NDRG3: variants seen among roughly 807,000 people sequenced by gnomAD.
NDRG3 encodes protein NDRG3.
In NDRG3, 23 loss-of-function variants were observed where a neutral mutation model predicts 57.2. The ratio of observed to expected loss-of-function variants is 0.40; its 90% CI spans 0.29 to 0.57. NDRG3 has a LOEUF of 0.57. Among genes scored for constraint, NDRG3 ranks in the 20% least tolerant of loss-of-function variants. The pLI is 0.42. For missense variants in NDRG3, 384 were observed against 457.3 expected (o/e 0.84, Z 1.46); for synonymous variants, 132 against 162.6 (o/e 0.81, Z 1.43).
rs375132944 is a variant in NDRG3 at position 36,727,799 on chromosome 20, C to G, written c.-48-6016G>C. 3.3e-5 allele frequency among the ~76,000 whole-genome samples: 5 copies of G among 152,168 alleles called. No individual in the cohort carries two copies. The East Asian group carries it at 5.8e-4, about 18-fold the overall frequency. Reference sequence around the variant, plus strand: ...CTCGTGATCTGCCCTCCTCAGCCTCCCAAAGTGCTGGGATTACAGGCATGA... The same window carrying G: ...CTCGTGATCTGCCCTCCTCAGCCTCGCAAAGTGCTGGGATTACAGGCATGA... On this transcript the variant is annotated intron_variant, in intron 1 of 15. Coordinates refer to ENST00000349004, the MANE Select transcript of NDRG3 (RefSeq NM_032013.4).
chr20:36,701,544 CTTTT>C (rs897071523), intron 3 of NDRG3, among the ~76,000 whole-genome samples: 3 of 124,270 alleles, frequency 2.4e-5, no homozygotes, highest in African/African-American at 2.9e-5. Flanking sequence ...GACCCTGTAT[CTTTT>C]TTTTTTTTTT....
At chr20:36,711,527 T>C (rs2148178354) in intron 2 of NDRG3, among the ~76,000 whole-genome samples, 1 of 152,252 alleles carries the variant, frequency 6.6e-6, no homozygotes, top group African/African-American at 2.4e-5. Context: ...CAGCTGTCAT[T>C]GTATCCATGA....
intron 3 of NDRG3, among the ~76,000 whole-genome samples, chr20:36,706,625 T>A (rs1286027588): frequency 6.6e-6 from 1 of 152,148 alleles, no homozygotes; most frequent in Non-Finnish European, 1.5e-5. Flanking sequence ...TGCCTCAGCC[T>A]CCTGAGTAGC....
intron 2 of NDRG3, 101 bp downstream of exon 2, chr20:36,721,578 G>C (rs1320771487): frequency 1.9e-5 from 13 of 692,908 alleles, no homozygotes; most frequent in Non-Finnish European, 3.0e-5. Context: ...TGAAAGTCAA[G>C]CTAAATATGT....
At chr20:36,666,232 C>A in intron 10 of NDRG3, 57 bp downstream of exon 10, 4 of 1,319,070 alleles carry the variant, frequency 3.0e-6, no homozygotes, top group Non-Finnish European at 3.3e-6. Context: ...CCTTCTCCCA[C>A]CCTCCTCTTT....
At chr20:36,673,620 G>T (rs943846251) in intron 8 of NDRG3, among the ~76,000 whole-genome samples, 1 of 152,000 alleles carries the variant, frequency 6.6e-6, no homozygotes, top group South Asian at 2.1e-4. Flanking sequence ...TGGCCAGGTG[G>T]CCAGGCCGGT....
intron 8 of NDRG3, among the ~76,000 whole-genome samples, chr20:36,675,059 A>ATT (rs34154196): frequency 0.017 from 1,758 of 101,182 alleles, 67 homozygotes; most frequent in African/African-American, 0.053. Flanking sequence ...CACAACTGGC[A>ATT]TTTTTTTTTT....
intron 9 of NDRG3, among the ~76,000 whole-genome samples, chr20:36,669,118 G>A (rs985913485): frequency 2.0e-4 from 30 of 151,582 alleles, no homozygotes; most frequent in Non-Finnish European, 3.1e-4. Context: ...GTGCAATGGC[G>A]CGATCTCGGC....
chr20:36,682,510 ATACT>A lies in NDRG3; in HGVS notation c.444+4_444+7del. 6.2e-7 allele frequency: 1 copy of A among 1,612,660 alleles called. No homozygotes were observed. Among genetic ancestry groups the A allele is most frequent in the Non-Finnish European group, 8.5e-7 (1 of 1,178,712 alleles). Reference sequence around the variant, plus strand: ...AAGGATGTTGAGGCTAATCCTCTACATACTTACTGCAAATCTGCTGAGGATGTAA... The same window carrying A: ...AAGGATGTTGAGGCTAATCCTCTACATACTGCAAATCTGCTGAGGATGTAA... On this transcript the variant is annotated splice_donor_5th_base_variant and intron_variant, in intron 7 of 15. Coordinates refer to ENST00000349004, the MANE Select transcript of NDRG3 (RefSeq NM_032013.4).
At chr20:36,745,262 A>G (rs1244955988) in intron 1 of NDRG3, among the ~76,000 whole-genome samples, 6 of 152,192 alleles carry the variant, frequency 3.9e-5, no homozygotes, top group Admixed American at 2.0e-4. Flanking sequence ...TCTTATATTA[A>G]TAACACTATT....
rs1047492089 is a variant in NDRG3, at chr20:36,653,252, C to T, written c.*268G>A. The T allele has an allele frequency of 2.9e-5, 10 of 340,464 alleles. No homozygotes were observed. Among genetic ancestry groups the T allele is most frequent in the East Asian group, 2.3e-4 (5 of 21,282 alleles). The allele number at this position is 340,464 out of a possible 1,614,324, so 21.1% of individuals were successfully genotyped here. A position where few individuals can be genotyped will look rare whatever the true frequency, so the allele number is the denominator to read the frequency against. On this transcript the variant is annotated 3_prime_UTR_variant, in exon 16 of 16. Transcript: ENST00000349004. The surrounding 1 kb of genome is among the most constrained non-coding windows in gnomAD (Gnocchi z 4.2). ...TATCTGATACATAGTTGGGGGAGCA[C>T]GGGAAAAAGCTGGCAAGAGAGGATA...
At position 36,653,675 on chromosome 20, in the gene NDRG3, C is replaced by T. The variant is rs138215121; in HGVS notation, c.973G>A (p.Ala325Thr). The T allele has an allele frequency of 1.9e-5, 30 of 1,613,226 alleles. No homozygotes were observed. In the Admixed American group the frequency reaches 2.3e-4, roughly 13 times the overall value. The change falls in exon 16 of 16, where the codon GCC becomes ACC. Residue 325 changes from alanine (A) to threonine (T), a missense_variant. Coordinates refer to ENST00000349004, the MANE Select transcript of NDRG3 (RefSeq NM_032013.4). The surrounding 1 kb of genome is among the most constrained non-coding windows in gnomAD (Gnocchi z 4.2). ...GAGGTTGAGTGGGTTCGTGATCGGGCGAGCCGAGTCATGCTGGCAGATGGT... is the reference window on the plus strand; with the variant it reads ...GAGGTTGAGTGGGTTCGTGATCGGGTGAGCCGAGTCATGCTGGCAGATGGT... ...YIPSASMTRL[A>T]RSRTHSTSSS...
chr20:36,744,392 AG>A (rs11436318), intron 1 of NDRG3, among the ~76,000 whole-genome samples: 1 of 151,994 alleles, frequency 6.6e-6, no homozygotes, highest in African/African-American at 2.4e-5. Context: ...AGTAATGAAA[AG>A]GGGGGGTGGA....
At chr20:36,676,223 C>T (rs977604446) in intron 8 of NDRG3, among the ~76,000 whole-genome samples, 2 of 151,580 alleles carry the variant, frequency 1.3e-5, no homozygotes, top group South Asian at 2.1e-4. Context: ...CTGGGCGACA[C>T]AGCGAGATCC....
intron 3 of NDRG3, among the ~76,000 whole-genome samples, chr20:36,695,389 C>T (rs1317874409): frequency 6.6e-6 from 1 of 152,140 alleles, no homozygotes; most frequent in Non-Finnish European, 1.5e-5. Flanking sequence ...GGTCTGACTG[C>T]CTGGGAGCTG....
At chr20:36,706,664 T>C (rs1983566141) in intron 3 of NDRG3, among the ~76,000 whole-genome samples, 1 of 152,068 alleles carries the variant, frequency 6.6e-6, no homozygotes, top group Non-Finnish European at 1.5e-5. Context: ...CCACCACGCT[T>C]GGCTAATTTT....
At chr20:36,674,203 T>A (rs1980440456) in intron 8 of NDRG3, among the ~76,000 whole-genome samples, 1 of 152,032 alleles carries the variant, frequency 6.6e-6, no homozygotes, top group South Asian at 2.1e-4. Context: ...TCTTTAAATC[T>A]TTTTTTTCTT....
intron 2 of NDRG3, among the ~76,000 whole-genome samples, chr20:36,711,428 A>C (rs962182679): frequency 5.9e-5 from 9 of 152,128 alleles, no homozygotes; most frequent in African/African-American, 2.2e-4. Context: ...TCCTTTAGGG[A>C]TTATTTTAAG....
intron 9 of NDRG3, among the ~76,000 whole-genome samples, chr20:36,668,112 C>T (rs774091122): frequency 1.1e-4 from 17 of 152,018 alleles, no homozygotes; most frequent in Non-Finnish European, 2.1e-4. Context: ...TGTGGTGGTA[C>T]GTGCCTGTAG....
Sources: gnomAD v4.1 joint callset for allele counts (sites outside exome capture counted in the v4.1 genomes callset) on GRCh38, gnomAD v4.1.1 for gene constraint, Gnocchi (gnomAD v3.1) non-coding constraint, MANE v1.5 for transcripts, NCBI Gene and HGNC (gene_info 2026-07-23, HGNC 2026-07-21) for gene names.